Variants in TMEM33 observed in about 807,000 individuals in gnomAD.
The protein encoded by TMEM33 is transmembrane protein 33.
TMEM33 carries 16 observed loss-of-function variants against 29.7 expected under a neutral mutation model. That is an observed-to-expected ratio of 0.54 (90% confidence interval 0.36 to 0.82). TMEM33 has a LOEUF of 0.82. Among genes scored for constraint, TMEM33 ranks in the 40% least tolerant of loss-of-function variants. The pLI is 0.00. For missense variants in TMEM33, 252 were observed against 295.3 expected, an observed-to-expected ratio of 0.85 and a Z score of 1.08; for synonymous variants, 112 against 109.4, an observed-to-expected ratio of 1.02 and a Z score of -0.15.
At position 41,935,433 on chromosome 4, in the gene TMEM33, CCT is replaced by C; in HGVS notation, c.-51_-50del. On this transcript the variant is annotated 5_prime_UTR_variant, in exon 1 of 7. Coordinates refer to ENST00000504986, the MANE Select transcript of TMEM33 (RefSeq NM_018126.3). Reference sequence around the variant, plus strand: ...GCCCCAGCGCTGACGTTTTCTCTCCCCTTTCTTCTCTCTTCGCGGTTGCGGCG... The same window carrying C: ...GCCCCAGCGCTGACGTTTTCTCTCCCTTCTTCTCTCTTCGCGGTTGCGGCG... 2.6e-6 allele frequency: 4 copies of C among 1,566,950 alleles called. No individual in the cohort carries two copies. The South Asian group carries it at 4.7e-5, about 18-fold the overall frequency.
chr4:41,939,527 G>T (rs1237543427), intron 3 of TMEM33, 144 bp downstream of exon 3: 1 of 883,988 alleles, frequency 1.1e-6, no homozygotes, highest in Non-Finnish European at 1.7e-6. Context: ...TTTAGTGTAA[G>T]AATTTCTGAC....
At chr4:41,935,821 G>T (rs1036483036) in intron 1 of TMEM33, among the ~76,000 whole-genome samples, 1 of 152,168 alleles carries the variant, frequency 6.6e-6, no homozygotes, top group Non-Finnish European at 1.5e-5. Context: ...TTTGTTTACC[G>T]TAGGCCCCAA....
Position 41,938,635 on chromosome 4 carries a change from A to G in TMEM33, c.79A>G (p.Met27Val). The G allele has an allele frequency of 1.2e-6, 2 of 1,614,132 alleles. No homozygotes were observed. The part of the protein sequence containing the change: ...FMMTNKLDTA[M>V]WLSRLFTVYC... ...GATGACCAATAAACTGGACACGGCA[A>G]TGTGGCTTTCTCGCTTGTTCACAGT... Residue 27 changes from methionine (M) to valine (V), a missense_variant, in exon 2 of 7, where the codon ATG (methionine) becomes GTG (valine). Coordinates refer to ENST00000504986, the MANE Select transcript of TMEM33 (RefSeq NM_018126.3).
chr4:41,948,399 T>A (rs550006079), intron 5 of TMEM33, among the ~76,000 whole-genome samples: 158 of 152,220 alleles, frequency 1.0e-3, no homozygotes, highest in Middle Eastern at 3.4e-3. Flanking sequence ...AAGATAAAAA[T>A]TTGTCAAATT....
At chr4:41,939,465 CA>C in intron 3 of TMEM33, 82 bp downstream of exon 3, 1 of 1,452,204 alleles carries the variant, frequency 6.9e-7, no homozygotes, top group Non-Finnish European at 9.4e-7. Context: ...GCAATGAAGG[CA>C]TTCCATGAAG....
chr4:41,935,204 C>G, upstream of TMEM33: 1 of 562,464 alleles, frequency 1.8e-6, no homozygotes, highest in Non-Finnish European at 3.2e-6. Flanking sequence ...CACCCCGAAG[C>G]TCCACCTTCG....
rs1354956506 is a variant in TMEM33, at chr4:41,954,180, T to A, written c.725T>A (p.Leu242Ter). 6.2e-7 allele frequency: 1 copy of A among 1,613,906 alleles called. No homozygotes were observed. The highest frequency in any genetic ancestry group is 1.3e-5 in the African/African-American group (1 of 75,052). ...CAGAGCATTGCCTTTATAAGCAGAT[T>A]GGCACCAACAGTTCCATAGTTTAAC... ...CLQSIAFISR[L>*]APTVP The change falls in exon 7 of 7, where the codon TTG becomes TAG. Residue 242 changes from leucine to a stop codon, truncating the protein, a stop_gained. Coordinates refer to ENST00000504986, the MANE Select transcript of TMEM33 (RefSeq NM_018126.3). LOFTEE classifies it high-confidence loss of function.
chr4:41,939,271 A>G lies in TMEM33; in HGVS notation c.216A>G (p.Gln72=), dbSNP rs761399601. Residue 72 remains glutamine, a synonymous_variant, in exon 3 of 7, where the codon CAA becomes CAG. Transcript: ENST00000504986. ...NALTSALRLH[Q]RLPHFQLSRA... ...TTACCAGTGCTCTGAGGCTGCATCA[A>G]AGATTACCACACTTCCAGTTAAGCA... 16 of 1,613,420 alleles carry G rather than the reference A, an allele frequency of 9.9e-6. No individual in the cohort carries two copies. Among genetic ancestry groups the G allele is most frequent in the Non-Finnish European group, 1.3e-5 (15 of 1,179,866 alleles).
chr4:41,938,839 C>T, intron 2 of TMEM33, 143 bp downstream of exon 2: 1 of 692,050 alleles, frequency 1.4e-6, no homozygotes, highest in Non-Finnish European at 2.5e-6. Context: ...GTACTAACAA[C>T]CTAATAACAT....
intron 3 of TMEM33, 59 bp from the exon 4 acceptor site, chr4:41,943,688 A>G: frequency 6.9e-7 from 1 of 1,453,836 alleles, no homozygotes; most frequent in East Asian, 2.3e-5. Context: ...CATAATACAT[A>G]GTCTGTTTTG....
chr4:41,938,880 T>C (rs1398107000), intron 2 of TMEM33, among the ~76,000 whole-genome samples, 184 bp downstream of exon 2: 1 of 152,234 alleles, frequency 6.6e-6, no homozygotes, highest in East Asian at 1.9e-4. Context: ...TCTTGTGCTT[T>C]GTGAAACTAA....
In TMEM33 at chr4:41,960,369, G is replaced by C. The variant is rs546560065; in HGVS notation, c.*6170G>C. On this transcript the variant is annotated 3_prime_UTR_variant, in exon 7 of 7. Coordinates refer to ENST00000504986, the MANE Select transcript of TMEM33 (RefSeq NM_018126.3). ...TGGTGTGAAATTGGAAGTATCAAGG[G>C]CTTTCTTTGGTGATTGAGGGAAATA... 6.6e-6 allele frequency: 1 copy of C among 152,218 alleles called. No homozygotes were observed. Among genetic ancestry groups the C allele is most frequent in the South Asian group, 2.1e-4 (1 of 4,830 alleles). The allele number at this position is 152,218 out of a possible 1,614,324, so 9.4% of individuals were successfully genotyped here.
intron 1 of TMEM33, among the ~76,000 whole-genome samples, chr4:41,937,155 G>T (rs1383020085): frequency 6.6e-6 from 1 of 151,610 alleles, no homozygotes; most frequent in African/African-American, 2.4e-5. Flanking sequence ...ATACATAAGT[G>T]TGTACAAAAT....
chr4:41,957,563 A>G lies in TMEM33; in HGVS notation c.*3364A>G, dbSNP rs190335762. 1 of 151,930 alleles carries G rather than the reference A, an allele frequency of 6.6e-6. No homozygotes were observed. Among genetic ancestry groups the G allele is most frequent in the Non-Finnish European group, 1.5e-5 (1 of 67,924 alleles). The allele number at this position is 151,930 out of a possible 1,614,324, so 9.4% of individuals were successfully genotyped here. A position where few individuals can be genotyped will look rare whatever the true frequency, so the allele number is the denominator to read the frequency against. ...TTTTTCTGGAAAAGAAGATGAGTAT[A>G]TGTGTAATAAGACAAGTAGAACTGA... On this transcript the variant is annotated 3_prime_UTR_variant, in exon 7 of 7. Coordinates refer to ENST00000504986, the MANE Select transcript of TMEM33 (RefSeq NM_018126.3).
intron 5 of TMEM33, among the ~76,000 whole-genome samples, chr4:41,945,257 T>G (rs1382219638): frequency 1.3e-5 from 2 of 152,218 alleles, no homozygotes; most frequent in Non-Finnish European, 2.9e-5. Flanking sequence ...AGAAAAACTT[T>G]TAAAATTATG....
chr4:41,952,595 T>G lies in TMEM33; in HGVS notation c.615-1475T>G, dbSNP rs1188737369. Among the ~76,000 whole-genome samples the G allele has an allele frequency of 3.9e-5, 6 of 152,232 alleles. No homozygotes were observed. The East Asian group carries it at 7.7e-4, about 20-fold the overall frequency. Reference sequence around the variant, plus strand: ...TAAGACATAGGCAAAGCCCACATGGTTTTGGGCACAAACATGCAACATAAG... The same window carrying G: ...TAAGACATAGGCAAAGCCCACATGGGTTTGGGCACAAACATGCAACATAAG... On this transcript the variant is annotated intron_variant, in intron 6 of 6. Coordinates refer to ENST00000504986, the MANE Select transcript of TMEM33 (RefSeq NM_018126.3).
At position 41,958,700 on chromosome 4, in the gene TMEM33, C is replaced by CCTTTTTTTTTTTTTTT. The variant is rs1560522140; in HGVS notation, c.*4501_*4502insCTTTTTTTTTTTTTTT. The stretch of plus-strand genomic sequence containing the variant: ...GTAGAGACAACTAGTTTCTCTCGCT[C>CCTTTTTTTTTTTTTTT]TTTTTTTTTTTTTTTTTTTTTTTTT... On this transcript the variant is annotated 3_prime_UTR_variant, in exon 7 of 7. Coordinates refer to ENST00000504986, the MANE Select transcript of TMEM33 (RefSeq NM_018126.3). The CCTTTTTTTTTTTTTTT allele has an allele frequency of 4.3e-5, 4 of 93,786 alleles. No homozygotes were observed. The highest frequency in any genetic ancestry group is 6.3e-5 in the Non-Finnish European group (3 of 47,336). The allele number at this position is 93,786 out of a possible 1,614,324, so 5.8% of individuals were successfully genotyped here. A position where few individuals can be genotyped will look rare whatever the true frequency, so the allele number is the denominator to read the frequency against.
In TMEM33 at chr4:41,959,748, A is replaced by C. The variant is rs1713404434; in HGVS notation, c.*5549A>C. 6.6e-6 allele frequency: 1 copy of C among 152,202 alleles called. No homozygotes were observed. The highest frequency in any genetic ancestry group is 2.4e-5 in the African/African-American group (1 of 41,466). The allele number at this position is 152,202 out of a possible 1,614,324, so 9.4% of individuals were successfully genotyped here. ...AGACCAAATCGGTGAAGTGTTGAGCAAGTAACATTTATGATGTGTGTATAT... is the reference window on the plus strand; with the variant it reads ...AGACCAAATCGGTGAAGTGTTGAGCCAGTAACATTTATGATGTGTGTATAT... On this transcript the variant is annotated 3_prime_UTR_variant, in exon 7 of 7. Transcript: ENST00000504986.
chr4:41,946,959 G>T (rs910602300), intron 5 of TMEM33, among the ~76,000 whole-genome samples: 5 of 152,058 alleles, frequency 3.3e-5, no homozygotes, highest in African/African-American at 1.2e-4. Flanking sequence ...ATACCAGGCC[G>T]AGCACGGTGG....
Sources: allele counts gnomAD v4.1 joint callset (sites outside exome capture counted in the v4.1 genomes callset), GRCh38; gene constraint gnomAD v4.1.1; transcripts MANE v1.5; gene names NCBI Gene and HGNC (gene_info 2026-07-23, HGNC 2026-07-21).